PRKN: variants seen among roughly 807,000 people sequenced by gnomAD.
PRKN encodes the protein parkin RBR E3 ubiquitin protein ligase.
In PRKN, 56 loss-of-function variants were observed where a neutral mutation model predicts 59.5. The ratio of observed to expected loss-of-function variants is 0.94; its 90% CI spans 0.76 to 1.18. The LOEUF is 1.18. PRKN is among the 50% of genes most tolerant of loss of function. The pLI is 0.00. For missense variants in PRKN, 657 were observed against 596.4 expected (o/e 1.10, Z -1.06); for synonymous variants, 250 against 222.1 (o/e 1.13, Z -1.12).
chr6:161,588,854 T>G lies in PRKN; in HGVS notation c.872-19438A>C, dbSNP rs1781613036. 6.6e-6 allele frequency among the ~76,000 whole-genome samples: 1 copy of G among 152,176 alleles called. No homozygotes were observed. The highest frequency in any genetic ancestry group is 2.1e-4 in the South Asian group (1 of 4,828). On this transcript the variant is annotated intron_variant, in intron 7 of 11. Coordinates refer to ENST00000366898, the MANE Select transcript of PRKN (RefSeq NM_004562.3). The surrounding 1 kb of genome is among the most constrained non-coding windows in gnomAD (Gnocchi z 5.0). Reference sequence around the variant, plus strand: ...GCAAATAAAAATACAGGACACCCAGTTAAATTTGAGTTTCAGTAAAGTACC... The same window carrying G: ...GCAAATAAAAATACAGGACACCCAGGTAAATTTGAGTTTCAGTAAAGTACC...
intron 1 of PRKN, among the ~76,000 whole-genome samples, chr6:162,620,523 T>A (rs1322220018): frequency 6.6e-6 from 1 of 152,228 alleles, no homozygotes; most frequent in African/African-American, 2.4e-5. Context: ...GGGATTTTCA[T>A]CCAACACTAA....
chr6:161,401,921 C>CG lies in PRKN; in HGVS notation c.1084-15045dup, dbSNP rs1787068885. Among the ~76,000 whole-genome samples the CG allele has an allele frequency of 6.6e-6, 1 of 152,268 alleles. No individual in the cohort carries two copies. Among genetic ancestry groups the CG allele is most frequent in the South Asian group, 2.1e-4 (1 of 4,820 alleles). ...TTTGTTCACACACCAATCTCTGGAGCGGAAGCCGTTAATGCTTCTACTTAT... is the reference window on the plus strand; with the variant it reads ...TTTGTTCACACACCAATCTCTGGAGCGGGAAGCCGTTAATGCTTCTACTTAT... On this transcript the variant is annotated intron_variant, in intron 9 of 11. Coordinates refer to ENST00000366898, the MANE Select transcript of PRKN (RefSeq NM_004562.3). The surrounding 1 kb of genome is among the most constrained non-coding windows in gnomAD (Gnocchi z 4.4).
intron 4 of PRKN, among the ~76,000 whole-genome samples, chr6:162,140,429 A>T (rs1033221020): frequency 1.3e-5 from 2 of 152,238 alleles, no homozygotes; most frequent in African/African-American, 4.8e-5. Flanking sequence ...TATGCAGTGC[A>T]GTACAATGAA....
chr6:161,967,369 T>C (rs1468515827), intron 6 of PRKN, among the ~76,000 whole-genome samples: 1 of 152,152 alleles, frequency 6.6e-6, no homozygotes, highest in African/African-American at 2.4e-5. Context: ...CTCAATCAAT[T>C]TATAAGCTAT....
At chr6:162,419,177 G>T (rs1788824997) in intron 2 of PRKN, among the ~76,000 whole-genome samples, 3 of 152,092 alleles carry the variant, frequency 2.0e-5, no homozygotes, top group African/African-American at 7.2e-5. Context: ...TTAAGACTAT[G>T]TCTGTGACTT....
At chr6:161,855,350 C>T (rs1278661240) in intron 6 of PRKN, among the ~76,000 whole-genome samples, 1 of 152,078 alleles carries the variant, frequency 6.6e-6, no homozygotes, top group Non-Finnish European at 1.5e-5. Flanking sequence ...TCTAACCTAC[C>T]CTTATTTCTT....
chr6:162,431,132 G>A (rs1037110271), intron 2 of PRKN, among the ~76,000 whole-genome samples: 1 of 151,962 alleles, frequency 6.6e-6, no homozygotes, highest in East Asian at 1.9e-4. Flanking sequence ...TGTATTTATA[G>A]AGAGTCAGTT....
intron 6 of PRKN, among the ~76,000 whole-genome samples, chr6:161,866,314 A>G (rs1346136178): frequency 6.6e-6 from 1 of 152,122 alleles, no homozygotes; most frequent in Admixed American, 6.5e-5. Flanking sequence ...AGTGACTCAC[A>G]CCTGTAATCC....
rs146096760 is a variant in PRKN at position 161,411,759 on chromosome 6, C to T, written c.1084-24882G>A. Among the ~76,000 whole-genome samples the T allele has an allele frequency of 1.0e-3, 148 of 144,626 alleles. 1 individual carries two copies. Among genetic ancestry groups the T allele is most frequent in the African/African-American group, 3.4e-3 (139 of 40,674 alleles). 94.9% of individuals were successfully genotyped at this position (144,626 alleles called of 152,430 possible). A position where few individuals can be genotyped will look rare whatever the true frequency, so the allele number is the denominator to read the frequency against. Reference sequence around the variant, plus strand: ...CCACTCAGTCATTCCTCCATTCACTCATTCCTTCACTCACTCATTCCTTCA... The same window carrying T: ...CCACTCAGTCATTCCTCCATTCACTTATTCCTTCACTCACTCATTCCTTCA... On this transcript the variant is annotated intron_variant, in intron 9 of 11. Coordinates refer to ENST00000366898, the MANE Select transcript of PRKN (RefSeq NM_004562.3).
chr6:161,396,896 A>C lies in PRKN; in HGVS notation c.1084-10019T>G, dbSNP rs566475515. ...GGGACACCCTGCCAGCACATCTTACAGACTTTTGTCTTTGGAGGTTTTGCA... is the reference window on the plus strand; with the variant it reads ...GGGACACCCTGCCAGCACATCTTACCGACTTTTGTCTTTGGAGGTTTTGCA... On this transcript the variant is annotated intron_variant, in intron 9 of 11. Coordinates refer to ENST00000366898, the MANE Select transcript of PRKN (RefSeq NM_004562.3). The surrounding 1 kb of genome is among the most constrained non-coding windows in gnomAD (Gnocchi z 5.4). Among the ~76,000 whole-genome samples, 1 of 152,312 alleles carries C rather than the reference A, an allele frequency of 6.6e-6. No homozygotes were observed. The highest frequency in any genetic ancestry group is 2.1e-4 in the South Asian group (1 of 4,830).
chr6:162,175,283 T>G (rs1783481673), intron 4 of PRKN, among the ~76,000 whole-genome samples: 1 of 152,052 alleles, frequency 6.6e-6, no homozygotes, highest in Non-Finnish European at 1.5e-5. Flanking sequence ...AAAACATAGT[T>G]TGAGAAACAA....
intron 3 of PRKN, among the ~76,000 whole-genome samples, chr6:162,238,315 C>A (rs1778829627): frequency 6.6e-6 from 1 of 152,122 alleles, no homozygotes; most frequent in South Asian, 2.1e-4. Flanking sequence ...TAGGCTACAC[C>A]GTACAGCCCA....
Position 161,410,236 on chromosome 6 carries a change from C to A in PRKN, c.1084-23359G>T, listed in dbSNP as rs111386620. 2.1e-4 allele frequency among the ~76,000 whole-genome samples: 32 copies of A among 152,224 alleles called. No homozygotes were observed. The highest frequency in any genetic ancestry group is 7.2e-4 in the African/African-American group (30 of 41,530). ...GAGTGAACATGAGTGAGAGTACGAG[C>A]ATGTCTCAGCTGGTAGCCCTTGTCC... On this transcript the variant is annotated intron_variant, in intron 9 of 11. Transcript: ENST00000366898. This position sits in a 1 kb window ranked among gnomAD's most constrained non-coding sequence, Gnocchi z 5.3.
intron 7 of PRKN, among the ~76,000 whole-genome samples, chr6:161,685,314 A>G (rs569680592): frequency 5.4e-4 from 82 of 152,312 alleles, no homozygotes; most frequent in Admixed American, 1.8e-3. Flanking sequence ...GTGCCTTGCA[A>G]GAAACTTGAG....
intron 7 of PRKN, among the ~76,000 whole-genome samples, chr6:161,769,778 C>A (rs1789587226): frequency 6.6e-6 from 1 of 152,074 alleles, no homozygotes; most frequent in Admixed American, 6.5e-5. Flanking sequence ...GGACCAGGCC[C>A]AGTGGGATAA....
At chr6:161,701,030 C>T (rs1174198209) in intron 7 of PRKN, among the ~76,000 whole-genome samples, 3 of 152,292 alleles carry the variant, frequency 2.0e-5, no homozygotes, top group Non-Finnish European at 4.4e-5. Flanking sequence ...AGAAAAACAA[C>T]CCTTGAGATT....
At chr6:162,093,758 G>C (rs890181392) in intron 4 of PRKN, among the ~76,000 whole-genome samples, 1 of 152,196 alleles carries the variant, frequency 6.6e-6, no homozygotes, top group South Asian at 2.1e-4. Flanking sequence ...TAAACCCCCC[G>C]TAACTCATAA....
At chr6:162,684,504 A>G (rs1483331770) in intron 1 of PRKN, among the ~76,000 whole-genome samples, 3 of 152,174 alleles carry the variant, frequency 2.0e-5, no homozygotes, top group Admixed American at 2.0e-4. Context: ...TTGAATGACA[A>G]CCTTTACAAT....
intron 2 of PRKN, among the ~76,000 whole-genome samples, chr6:162,280,608 T>C (rs9458496): frequency 0.26 from 39,249 of 151,722 alleles, 5,430 homozygotes; most frequent in South Asian, 0.44. Context: ...CTGGCCAACA[T>C]GGTGAAACCC....
Sources: gnomAD v4.1 joint callset for allele counts (sites outside exome capture counted in the v4.1 genomes callset) on GRCh38, gnomAD v4.1.1 for gene constraint, Gnocchi (gnomAD v3.1) non-coding constraint, MANE v1.5 for transcripts, NCBI Gene and HGNC (gene_info 2026-07-23, HGNC 2026-07-21) for gene names.